The following SLC12A8 variants were observed in gnomAD, a reference collection of about 807,000 sequenced individuals.
SLC12A8 encodes the protein cation-chloride cotransporter 9.
Under a neutral mutation model 75.6 loss-of-function variants are expected in SLC12A8, and 69 were observed. The observed-to-expected ratio is 0.91, with a 90% CI of 0.75 to 1.11. The LOEUF (loss-of-function observed/expected upper bound fraction) is 1.11. Among genes scored for constraint, SLC12A8 ranks in the 50% most tolerant of loss-of-function variants. The probability of loss-of-function intolerance (pLI) is 0.00; values close to 1 mark genes in which losing one functional copy is unlikely to be tolerated. For missense variants in SLC12A8, 877 were observed against 896.7 expected, an observed-to-expected ratio of 0.98 and a Z score of 0.28; for synonymous variants, 365 against 372.8, an observed-to-expected ratio of 0.98 and a Z score of 0.24.
intron 2 of SLC12A8, among the ~76,000 whole-genome samples, chr3:125,201,702 G>GAAAAAAAAAA (rs141256499): frequency 4.2e-5 from 4 of 95,548 alleles, no homozygotes; most frequent in African/African-American, 7.5e-5. Context: ...AGCCATGATT[G>GAAAAAAAAAA]AAAAAAAAAA....
chr3:125,156,251 T>C (rs1934048630), intron 5 of SLC12A8, among the ~76,000 whole-genome samples: 2 of 152,314 alleles, frequency 1.3e-5, no homozygotes, highest in South Asian at 4.1e-4. Flanking sequence ...ATTTCGTCAC[T>C]GAATCATGGA....
chr3:125,101,352 C>CT (rs1354512733), intron 10 of SLC12A8, among the ~76,000 whole-genome samples: 8 of 152,322 alleles, frequency 5.3e-5, no homozygotes, highest in African/African-American at 1.9e-4. Flanking sequence ...TTTTTAGCTA[C>CT]TAATAATACT....
At chr3:125,179,391 A>G (rs1934604693) in intron 4 of SLC12A8, among the ~76,000 whole-genome samples, 2 of 152,308 alleles carry the variant, frequency 1.3e-5, no homozygotes, top group Non-Finnish European at 2.9e-5. Flanking sequence ...TGTTGCAAGC[A>G]TTCAATAAAT....
intron 2 of SLC12A8, among the ~76,000 whole-genome samples, chr3:125,210,277 A>T (rs1043049607): frequency 6.6e-6 from 1 of 152,242 alleles, no homozygotes; most frequent in African/African-American, 2.4e-5. Flanking sequence ...TGTTGATAAG[A>T]AGCATCAGCA....
intron 5 of SLC12A8, among the ~76,000 whole-genome samples, chr3:125,177,218 C>A (rs1429950648): frequency 6.6e-6 from 1 of 150,500 alleles, no homozygotes; most frequent in Non-Finnish European, 1.5e-5. Context: ...AGCAAACTAT[C>A]GCAAGGACAA....
chr3:125,148,837 G>A (rs1933849191), intron 5 of SLC12A8, among the ~76,000 whole-genome samples: 1 of 152,178 alleles, frequency 6.6e-6, no homozygotes, highest in South Asian at 2.1e-4. Context: ...CCTACCCCAG[G>A]AGGTACCCCC....
intron 10 of SLC12A8, among the ~76,000 whole-genome samples, chr3:125,101,012 T>C: frequency 1.3e-5 from 1 of 79,640 alleles, no homozygotes; most frequent in African/African-American, 5.2e-5. Flanking sequence ...AGAGCGAGAC[T>C]CCGTCTCAAA....
At chr3:125,120,980 T>C in intron 6 of SLC12A8, 1 of 666,588 alleles carries the variant, frequency 1.5e-6, no homozygotes. Flanking sequence ...GGAAAGCGGC[T>C]TGCAAGGCAC....
intron 5 of SLC12A8, among the ~76,000 whole-genome samples, chr3:125,146,612 G>C (rs1179358128): frequency 1.3e-5 from 2 of 152,186 alleles, no homozygotes; most frequent in African/African-American, 4.8e-5. Flanking sequence ...AGAGGACAAA[G>C]GGGGCTTCCT....
chr3:125,130,668 G>T (rs1933331252), intron 6 of SLC12A8, among the ~76,000 whole-genome samples: 1 of 152,118 alleles, frequency 6.6e-6, no homozygotes, highest in Non-Finnish European at 1.5e-5. Flanking sequence ...TGGACTAGCT[G>T]ATCTCACATG....
At chr3:125,189,076 A>G (rs947070872) in intron 3 of SLC12A8, among the ~76,000 whole-genome samples, 1 of 152,218 alleles carries the variant, frequency 6.6e-6, no homozygotes, top group South Asian at 2.1e-4. Flanking sequence ...TGTAAAGGTG[A>G]TTTTCAGATG....
intron 5 of SLC12A8, chr3:125,151,274 C>T (rs1933916752): frequency 6.5e-6 from 1 of 153,246 alleles, no homozygotes; most frequent in Admixed American, 6.5e-5. Flanking sequence ...AAGTCATTGG[C>T]CTCTTGGCCC....
intron 5 of SLC12A8, among the ~76,000 whole-genome samples, chr3:125,138,534 A>G (rs1229817184): frequency 2.0e-5 from 3 of 149,986 alleles, no homozygotes; most frequent in African/African-American, 7.4e-5. Flanking sequence ...TGTTATATAT[A>G]CTATATGCTA....
chr3:125,090,595 T>C (rs1938560160), intron 12 of SLC12A8, among the ~76,000 whole-genome samples: 1 of 152,254 alleles, frequency 6.6e-6, no homozygotes, highest in East Asian at 1.9e-4. Context: ...ATTTCAAAGC[T>C]GTGTTTTTAA....
chr3:125,113,109 G>T (rs927885041), intron 8 of SLC12A8, among the ~76,000 whole-genome samples: 1 of 152,236 alleles, frequency 6.6e-6, no homozygotes, highest in Non-Finnish European at 1.5e-5. Flanking sequence ...CCCCAGCCTG[G>T]CATCCTCCTA....
chr3:125,159,363 T>A (rs1385025838), intron 5 of SLC12A8, among the ~76,000 whole-genome samples: 1 of 152,168 alleles, frequency 6.6e-6, no homozygotes, highest in Non-Finnish European at 1.5e-5. Context: ...CCCAAAGTGC[T>A]GGGATTAGAG....
intron 2 of SLC12A8, among the ~76,000 whole-genome samples, chr3:125,200,310 A>G (rs1033770827): frequency 2.6e-5 from 4 of 152,038 alleles, no homozygotes; most frequent in Non-Finnish European, 5.9e-5. Flanking sequence ...TAAGCTGGGC[A>G]TGGTGGTGTG....
intron 12 of SLC12A8, among the ~76,000 whole-genome samples, chr3:125,090,199 T>A (rs1168555018): frequency 6.6e-6 from 1 of 152,158 alleles, no homozygotes; most frequent in Non-Finnish European, 1.5e-5. Context: ...GTGTGCGAAC[T>A]GTGCCTGGCT....
chr3:125,103,776 G>T (rs1560052128), intron 10 of SLC12A8, among the ~76,000 whole-genome samples: 1 of 152,062 alleles, frequency 6.6e-6, no homozygotes, highest in Non-Finnish European at 1.5e-5. Flanking sequence ...GAGACTACAG[G>T]CATGTGCCAC....
Sources: allele counts gnomAD v4.1 joint callset (sites outside exome capture counted in the v4.1 genomes callset), GRCh38; gene constraint gnomAD v4.1.1; transcripts MANE v1.5; gene names NCBI Gene and HGNC (gene_info 2026-07-23, HGNC 2026-07-21).